CIP2A: variants seen among roughly 807,000 people sequenced by gnomAD.
CIP2A encodes cellular inhibitor of PP2A, also known as protein CIP2A.
In CIP2A, 103 loss-of-function variants were observed where a neutral mutation model predicts 110.9. That is an observed-to-expected ratio of 0.93 (90% confidence interval 0.79 to 1.09). The LOEUF is 1.09. Ranked by LOEUF, CIP2A falls within the 50% of genes least tolerant of loss-of-function variation. The probability of loss-of-function intolerance (pLI) is 0.00; values close to 1 mark genes in which losing one functional copy is unlikely to be tolerated. For missense variants in CIP2A, 1,088 were observed against 1,038.4 expected, an observed-to-expected ratio of 1.05 and a Z score of -0.66; for synonymous variants, 381 against 361.6, an observed-to-expected ratio of 1.05 and a Z score of -0.61.
At chr3:108,586,644 T>G (rs896133130) in intron 1 of CIP2A, among the ~76,000 whole-genome samples, 1 of 152,214 alleles carries the variant, frequency 6.6e-6, no homozygotes. Context: ...ATCTTCATAA[T>G]AACTCTATAA....
At chr3:108,560,107 A>C in intron 14 of CIP2A, 79 bp from the exon 15 acceptor site, 1 of 762,108 alleles carries the variant, frequency 1.3e-6, no homozygotes, top group Non-Finnish European at 2.2e-6. Context: ...CTACTTCAAA[A>C]CTAAATCATT....
chr3:108,573,634 TAC>T (rs1056119701), intron 8 of CIP2A, among the ~76,000 whole-genome samples: 4 of 152,018 alleles, frequency 2.6e-5, no homozygotes, highest in African/African-American at 9.7e-5. Flanking sequence ...GCACTTATAT[TAC>T]AGATTCCTAG....
In CIP2A at chr3:108,585,831, TTC is replaced by T. The variant is rs1334445724; in HGVS notation, c.103-621_103-620del. ...CAGGCAAGGCATTGAAAAATTTTAT[TTC>T]TGATTATTCCATTGTTTTTTTTACT... is the stretch of plus-strand genomic sequence containing the variant. On this transcript the variant is annotated intron_variant, in intron 1 of 20. Coordinates refer to ENST00000295746, the MANE Select transcript of CIP2A (RefSeq NM_020890.3). 5 of 451,410 alleles carry T rather than the reference TTC, an allele frequency of 1.1e-5. No individual in the cohort carries two copies. In the Admixed American group the frequency reaches 1.2e-4, roughly 11 times the overall value. The allele number at this position is 451,410 out of a possible 1,614,324, so 28.0% of individuals were successfully genotyped here.
At chr3:108,557,717 C>T (rs1937858843) in intron 16 of CIP2A, among the ~76,000 whole-genome samples, 1 of 152,048 alleles carries the variant, frequency 6.6e-6, no homozygotes, top group African/African-American at 2.4e-5. Context: ...AGGTATGGTC[C>T]TCAGAGGTAG....
intron 16 of CIP2A, 25 bp from the exon 17 acceptor site, chr3:108,557,439 T>G (rs767190207): frequency 1.3e-6 from 2 of 1,526,294 alleles, no homozygotes; most frequent in Non-Finnish European, 8.9e-7. Context: ...GAAGATAGAC[T>G]TTACCACTAT....
chr3:108,575,831 CGTGTAT>C (rs1938609441), intron 8 of CIP2A, among the ~76,000 whole-genome samples: 2 of 123,944 alleles, frequency 1.6e-5, no homozygotes, highest in Admixed American at 7.9e-5. Context: ...TGTGTATATA[CGTGTAT>C]ATATACTCAT....
chr3:108,571,824 G>A (rs1938410459), intron 8 of CIP2A, among the ~76,000 whole-genome samples: 1 of 152,126 alleles, frequency 6.6e-6, no homozygotes. Context: ...AGTATTAATA[G>A]ATACCAGTTT....
At position 108,589,410 on chromosome 3, in the gene CIP2A, C is replaced by A. The variant is rs1939239394; in HGVS notation, c.-35G>T. The A allele has an allele frequency of 6.7e-7, 1 of 1,492,730 alleles. No homozygotes were observed. Among genetic ancestry groups the A allele is most frequent in the African/African-American group, 1.4e-5 (1 of 72,054 alleles). 92.5% of individuals were successfully genotyped at this position (1,492,730 alleles called of 1,614,324 possible). ...CGCGGCCCGGCTTAGGGACCACCAC[C>A]GCCCAGCGTGCGCCGGCCTTTAGCT... On this transcript the variant is annotated 5_prime_UTR_variant, in exon 1 of 21. Transcript: ENST00000295746.
intron 9 of CIP2A, 121 bp from the exon 10 acceptor site, chr3:108,568,435 A>T (rs77442359): frequency 0.013 from 8,734 of 684,078 alleles, 373 homozygotes; most frequent in East Asian, 0.12. Flanking sequence ...TATGCCATTG[A>T]CCTAAGTCTC....
intron 7 of CIP2A, among the ~76,000 whole-genome samples, chr3:108,576,593 A>G (rs1443662063): frequency 1.3e-5 from 2 of 152,176 alleles, no homozygotes; most frequent in Non-Finnish European, 2.9e-5. Context: ...ATAAATCATT[A>G]AATTTCTTTA....
chr3:108,554,310 T>C (rs1047245034), intron 18 of CIP2A, 66 bp downstream of exon 18: 6 of 665,874 alleles, frequency 9.0e-6, no homozygotes, highest in Admixed American at 8.4e-5. Flanking sequence ...CAATGTTCTA[T>C]ATAAAGGGAA....
chr3:108,559,444 T>C (rs1156664190), intron 16 of CIP2A, among the ~76,000 whole-genome samples: 1 of 152,122 alleles, frequency 6.6e-6, no homozygotes, highest in African/African-American at 2.4e-5. Context: ...TTAGGAACAT[T>C]ACTATTTTGG....
intron 2 of CIP2A, among the ~76,000 whole-genome samples, chr3:108,584,270 A>G (rs972621848): frequency 5.3e-5 from 8 of 152,234 alleles, no homozygotes; most frequent in Non-Finnish European, 1.2e-4. Context: ...AGATACTGAT[A>G]TGGAAAGAAA....
At chr3:108,582,005 A>G in intron 4 of CIP2A, 103 bp downstream of exon 4, 1 of 557,844 alleles carries the variant, frequency 1.8e-6, no homozygotes, top group Non-Finnish European at 3.2e-6. Flanking sequence ...CACTCAGTTT[A>G]TATGTTAGAA....
intron 6 of CIP2A, 34 bp downstream of exon 6, chr3:108,579,532 A>C: frequency 6.4e-7 from 1 of 1,573,714 alleles, no homozygotes; most frequent in Non-Finnish European, 8.6e-7. Context: ...ATCAGACTAT[A>C]AACTTCAGAA....
At chr3:108,555,060 C>T (rs1025425440) in intron 17 of CIP2A, among the ~76,000 whole-genome samples, 1 of 152,136 alleles carries the variant, frequency 6.6e-6, no homozygotes, top group African/African-American at 2.4e-5. Context: ...GGAATTTTAA[C>T]AATCTGAGTT....
chr3:108,553,707 TTCTC>T lies in CIP2A; in HGVS notation c.2344_2347del (p.Glu782LysfsTer12), dbSNP rs1343546225. On this transcript the variant is annotated frameshift_variant, in exon 19 of 21. Coordinates refer to ENST00000295746, the MANE Select transcript of CIP2A (RefSeq NM_020890.3). LOFTEE classifies it high-confidence loss of function. ...CTGTACTTCTTTTCTCTGTTCTTCTTTCTCTATTAATTGGGCAATACTTCTGAAG... is the reference window on the plus strand; with the variant it reads ...CTGTACTTCTTTTCTCTGTTCTTCTTTATTAATTGGGCAATACTTCTGAAG... The T allele has an allele frequency of 6.7e-7, 1 of 1,492,542 alleles. No homozygotes were observed. The highest frequency in any genetic ancestry group is 9.3e-7 in the Non-Finnish European group (1 of 1,072,146). The allele number at this position is 1,492,542 out of a possible 1,614,324, so 92.5% of individuals were successfully genotyped here. A position where few individuals can be genotyped will look rare whatever the true frequency, so the allele number is the denominator to read the frequency against.
chr3:108,579,099 T>C (rs886619854), intron 7 of CIP2A, among the ~76,000 whole-genome samples, 182 bp downstream of exon 7: 2 of 152,164 alleles, frequency 1.3e-5, no homozygotes, highest in Non-Finnish European at 2.9e-5. Flanking sequence ...TGACCTGTTA[T>C]ACTTTCCATT....
chr3:108,580,436 AACACAC>A lies in CIP2A; in HGVS notation c.550-754_550-749del, dbSNP rs375166090. On this transcript the variant is annotated intron_variant, in intron 5 of 20. Transcript: ENST00000295746. ...ACTTTTTTTTCAATTCAGAAATTGA[AACACAC>A]ACACACACACACACACACACACACA... Among the ~76,000 whole-genome samples the A allele has an allele frequency of 4.3e-3, 618 of 142,250 alleles. 7 individuals carry two copies. Among genetic ancestry groups the A allele is most frequent in the Middle Eastern group, 0.014 (4 of 286 alleles). 93.3% of individuals were successfully genotyped at this position (142,250 alleles called of 152,430 possible).
Sources: allele counts gnomAD v4.1 joint callset (sites outside exome capture counted in the v4.1 genomes callset), GRCh38; gene constraint gnomAD v4.1.1; transcripts MANE v1.5; gene names NCBI Gene and HGNC (gene_info 2026-07-23, HGNC 2026-07-21).